CLSTN2: variants seen among roughly 807,000 people sequenced by gnomAD.
CLSTN2 encodes calsyntenin 2, also known as calsyntenin-2.
Under a neutral mutation model 101.2 loss-of-function variants are expected in CLSTN2, and 48 were observed. The ratio of observed to expected loss-of-function variants is 0.47; its 90% CI spans 0.38 to 0.60. The LOEUF is 0.60. Among genes scored for constraint, CLSTN2 ranks in the 20% least tolerant of loss-of-function variants. The pLI, the probability that CLSTN2 is intolerant of heterozygous loss-of-function variation, is 0.00. For synonymous variants in CLSTN2, 481 were observed against 463.6 expected, an observed-to-expected ratio of 1.04 and a Z score of -0.48; for missense variants, 1,160 against 1,238.2, an observed-to-expected ratio of 0.94 and a Z score of 0.95.
intron 7 of CLSTN2, among the ~76,000 whole-genome samples, chr3:140,464,044 C>T (rs1933627580): frequency 1.3e-5 from 2 of 152,172 alleles, no homozygotes; most frequent in South Asian, 4.2e-4. Context: ...TATAGCAGGG[C>T]CATCCTTACA....
At chr3:140,086,920 C>T (rs1026403104) in intron 1 of CLSTN2, among the ~76,000 whole-genome samples, 1 of 152,172 alleles carries the variant, frequency 6.6e-6, no homozygotes, top group Non-Finnish European at 1.5e-5. Context: ...TCACAATGAC[C>T]TTTTTAACTT....
chr3:139,993,904 A>T (rs191957716), intron 1 of CLSTN2, among the ~76,000 whole-genome samples: 1 of 152,304 alleles, frequency 6.6e-6, no homozygotes, highest in East Asian at 1.9e-4. Context: ...GAGAGTTGTG[A>T]CTGATACAAT....
intron 1 of CLSTN2, among the ~76,000 whole-genome samples, chr3:139,990,262 G>C (rs1254924775): frequency 6.6e-6 from 1 of 152,154 alleles, no homozygotes; most frequent in Non-Finnish European, 1.5e-5. Flanking sequence ...AGGCATAACT[G>C]CTAAAATACC....
chr3:139,956,448 C>G (rs1935403815), intron 1 of CLSTN2, among the ~76,000 whole-genome samples: 1 of 152,152 alleles, frequency 6.6e-6, no homozygotes, highest in Admixed American at 6.5e-5. Context: ...GTCACCCCCG[C>G]TGGGCTTGGG....
At chr3:140,118,440 C>G (rs904422110) in intron 1 of CLSTN2, among the ~76,000 whole-genome samples, 7 of 152,116 alleles carry the variant, frequency 4.6e-5, no homozygotes, top group African/African-American at 1.7e-4. Context: ...GCTGCTGGGA[C>G]CATCTGAGGC....
intron 1 of CLSTN2, among the ~76,000 whole-genome samples, chr3:140,048,690 G>A (rs1457265095): frequency 7.2e-5 from 11 of 152,154 alleles, no homozygotes; most frequent in Admixed American, 7.2e-4. Context: ...GGTAATGTCG[G>A]CTTCCTTACT....
In CLSTN2 at chr3:139,991,919, T is replaced by G. The variant is rs182548658; in HGVS notation, c.109+56436T>G. Among the ~76,000 whole-genome samples, 150 of 152,322 alleles carry G rather than the reference T, an allele frequency of 9.8e-4. 1 individual carries two copies. The highest frequency in any genetic ancestry group is 1.6e-3 in the Admixed American group (24 of 15,308). ...CAACTTGAGGTCATCCTGTTGATTT[T>G]GGGTCTAATAAGGAGAGGGATTTAC... is the stretch of plus-strand genomic sequence containing the variant. On this transcript the variant is annotated intron_variant, in intron 1 of 16. Coordinates refer to ENST00000458420, the MANE Select transcript of CLSTN2 (RefSeq NM_022131.3).
intron 2 of CLSTN2, among the ~76,000 whole-genome samples, chr3:140,293,073 C>A (rs1015287513): frequency 2.0e-5 from 3 of 152,222 alleles, no homozygotes; most frequent in African/African-American, 7.2e-5. Context: ...GGACTGGAAT[C>A]AAGCTTGATT....
At chr3:140,005,489 G>A (rs537277165) in intron 1 of CLSTN2, among the ~76,000 whole-genome samples, 1 of 152,236 alleles carries the variant, frequency 6.6e-6, no homozygotes, top group African/African-American at 2.4e-5. Context: ...CTGCCCACCA[G>A]GACTCACACA....
intron 2 of CLSTN2, among the ~76,000 whole-genome samples, chr3:140,225,416 A>G (rs974460666): frequency 2.0e-5 from 3 of 152,224 alleles, no homozygotes; most frequent in Non-Finnish European, 4.4e-5. Context: ...CTTATTACAG[A>G]GACAATTTAT....
At chr3:140,420,783 A>C (rs757329829) in intron 4 of CLSTN2, among the ~76,000 whole-genome samples, 3 of 152,204 alleles carry the variant, frequency 2.0e-5, no homozygotes, top group Admixed American at 6.5e-5. Flanking sequence ...TTTGCCCTAC[A>C]TCAGGGACAC....
chr3:140,020,882 C>G (rs1195546211), intron 1 of CLSTN2, among the ~76,000 whole-genome samples: 1 of 152,214 alleles, frequency 6.6e-6, no homozygotes, highest in African/African-American at 2.4e-5. Flanking sequence ...ACAATTTACA[C>G]AGAGGCTTGG....
At chr3:140,301,810 C>T (rs1423319614) in intron 2 of CLSTN2, among the ~76,000 whole-genome samples, 3 of 152,194 alleles carry the variant, frequency 2.0e-5, no homozygotes, top group Non-Finnish European at 4.4e-5. Context: ...CTGCCCATCC[C>T]TACCTCCTGC....
At chr3:140,003,787 T>C (rs1392563500) in intron 1 of CLSTN2, among the ~76,000 whole-genome samples, 1 of 152,252 alleles carries the variant, frequency 6.6e-6, no homozygotes, top group East Asian at 1.9e-4. Context: ...GAAATAATCA[T>C]GTGGTTTTTG....
At chr3:140,338,349 G>C (rs555553136) in intron 2 of CLSTN2, among the ~76,000 whole-genome samples, 2 of 152,128 alleles carry the variant, frequency 1.3e-5, no homozygotes, top group Non-Finnish European at 2.9e-5. Context: ...CTGTGATGCC[G>C]TAGCTCTTAG....
intron 1 of CLSTN2, among the ~76,000 whole-genome samples, chr3:139,978,651 TGTG>T (rs1560060164): frequency 1.3e-3 from 2 of 1,586 alleles, no homozygotes; most frequent in South Asian, 0.016. Context: ...TGGGGGATTG[TGTG>T]TGTGTGTGTG....
chr3:140,176,140 A>G, intron 2 of CLSTN2, 67 bp downstream of exon 2: 4 of 1,580,240 alleles, frequency 2.5e-6, no homozygotes, highest in Non-Finnish European at 3.5e-6. Context: ...ACCTCCACAA[A>G]GCCCAGAATA....
At chr3:140,315,499 A>C (rs61015005) in intron 2 of CLSTN2, among the ~76,000 whole-genome samples, 2,857 of 152,314 alleles carry the variant, frequency 0.019, 65 homozygotes, top group South Asian at 0.099. Context: ...GCTAATTATG[A>C]AAATGTTTAT....
intron 2 of CLSTN2, among the ~76,000 whole-genome samples, chr3:140,295,089 T>A (rs2086990194): frequency 6.6e-6 from 1 of 152,198 alleles, no homozygotes; most frequent in Non-Finnish European, 1.5e-5. Context: ...TCCTTCCCTC[T>A]GTAAAATTTT....
Sources: allele counts gnomAD v4.1 joint callset (sites outside exome capture counted in the v4.1 genomes callset), GRCh38; gene constraint gnomAD v4.1.1; transcripts MANE v1.5; gene names NCBI Gene and HGNC (gene_info 2026-07-23, HGNC 2026-07-21).